Variants in SOX5 observed in about 807,000 individuals in gnomAD.
The protein encoded by SOX5 is transcription factor SOX-5.
In SOX5, 9 loss-of-function variants were observed where a neutral mutation model predicts 92.0. The observed-to-expected ratio is 0.10, with a 90% CI of 0.06 to 0.17. The LOEUF (loss-of-function observed/expected upper bound fraction) is 0.17. SOX5 is among the 10% of genes least tolerant of loss of function. The pLI is 1.00. For missense variants in SOX5, 642 were observed against 944.5 expected (o/e 0.68, Z 4.20); for synonymous variants, 344 against 336.3 (o/e 1.02, Z -0.25).
chr12:23,922,725 A>G (rs1320425572), intron 1 of SOX5, among the ~76,000 whole-genome samples: 1 of 152,128 alleles, frequency 6.6e-6, no homozygotes, highest in Non-Finnish European at 1.5e-5. Flanking sequence ...AAGTTTGAAA[A>G]CTCAATCCAA....
At chr12:23,954,693 A>G (rs77056308), upstream of SOX5, among the ~76,000 whole-genome samples, 5,614 of 152,160 alleles carry the variant, frequency 0.037, 482 homozygotes, top group East Asian at 0.27. Context: ...AGGAACTGGT[A>G]CACAATAGCC....
intron 3 of SOX5, among the ~76,000 whole-genome samples, chr12:24,262,954 G>C (rs944897042): frequency 2.0e-5 from 3 of 152,188 alleles, no homozygotes; most frequent in Non-Finnish European, 2.9e-5. Context: ...GCGCGCAGTG[G>C]CTCATGCCTG....
At chr12:23,683,829 T>A (rs868175881) in intron 6 of SOX5, among the ~76,000 whole-genome samples, 1 of 151,990 alleles carries the variant, frequency 6.6e-6, no homozygotes, top group African/African-American at 2.4e-5. Context: ...CATTGGTTGA[T>A]AAAATCTTTT....
At chr12:24,431,544 CTT>C (rs1238257693) in intron 1 of SOX5, among the ~76,000 whole-genome samples, 1 of 152,076 alleles carries the variant, frequency 6.6e-6, no homozygotes, top group African/African-American at 2.4e-5. Context: ...ATTTTGTGTT[CTT>C]TTGTTTTTTG....
At chr12:23,782,800 T>C (rs1218447608) in intron 3 of SOX5, among the ~76,000 whole-genome samples, 2 of 152,138 alleles carry the variant, frequency 1.3e-5, no homozygotes, top group Admixed American at 6.5e-5. Flanking sequence ...AAAACTATAG[T>C]TTTGGATTCC....
chr12:23,633,243 T>C (rs2078783952), intron 8 of SOX5, among the ~76,000 whole-genome samples: 1 of 151,988 alleles, frequency 6.6e-6, no homozygotes, highest in East Asian at 1.9e-4. Context: ...ACAGAAACAG[T>C]ACATTACAGA....
chr12:23,561,889 C>G lies in SOX5; in HGVS notation c.1488+1369G>C, dbSNP rs111888879. On this transcript the variant is annotated intron_variant, in intron 11 of 14. Coordinates refer to ENST00000451604, the MANE Select transcript of SOX5 (RefSeq NM_006940.6). ...TGTATCCACAGCTGAATTCAATGCG[C>G]TTAACAAATAACGGCAATTTAGCTA... Among the ~76,000 whole-genome samples, 788 of 151,332 alleles carry G rather than the reference C, an allele frequency of 5.2e-3. 13 individuals carry two copies. The highest frequency in any genetic ancestry group is 0.018 in the African/African-American group (739 of 41,246).
At chr12:24,107,772 A>G (rs1946855041) in intron 4 of SOX5, among the ~76,000 whole-genome samples, 1 of 152,222 alleles carries the variant, frequency 6.6e-6, no homozygotes, top group Admixed American at 6.5e-5. Context: ...CCGGGCTTAA[A>G]GAGGGTCACT....
chr12:23,603,445 AAT>A (rs72370535), intron 9 of SOX5, among the ~76,000 whole-genome samples: 52,173 of 124,686 alleles, frequency 0.42, 11,457 homozygotes, highest in African/African-American at 0.57. Context: ...ATATATATAA[AAT>A]ATATATATAT....
chr12:24,193,828 C>G (rs142529490), intron 4 of SOX5, among the ~76,000 whole-genome samples: 1 of 152,148 alleles, frequency 6.6e-6, no homozygotes, highest in Non-Finnish European at 1.5e-5. Flanking sequence ...TTATAATTTT[C>G]TTTTTCAGAG....
In SOX5 at chr12:24,454,868, TAGAC is replaced by T. The variant is rs201248689; in HGVS notation, c.-250-86233_-250-86230del. Among the ~76,000 whole-genome samples, 244 of 152,314 alleles carry T rather than the reference TAGAC, an allele frequency of 1.6e-3. 1 individual carries two copies. Among genetic ancestry groups the T allele is most frequent in the African/African-American group, 4.9e-3 (202 of 41,562 alleles). ...ACTCTATTATCACTTTCTGCAAAAT[TAGAC>T]AGGAAAGAATATTAAGACATCTAAA... On this transcript the variant is annotated intron_variant, in intron 1 of 4. Transcript: ENST00000446891.
intron 1 of SOX5, among the ~76,000 whole-genome samples, chr12:24,486,239 CT>C (rs934015450): frequency 6.6e-6 from 1 of 152,152 alleles, no homozygotes; most frequent in Non-Finnish European, 1.5e-5. Flanking sequence ...ACCTGGCCCC[CT>C]ATGCCTTCAG....
rs959576306 is a variant in SOX5 at position 23,947,344 on chromosome 12, T to C, written c.38+2220A>G. Among the ~76,000 whole-genome samples, 3 of 151,888 alleles carry C rather than the reference T, an allele frequency of 2.0e-5. 1 individual carries two copies. The South Asian group carries it at 6.2e-4, about 31-fold the overall frequency. On this transcript the variant is annotated intron_variant, in intron 1 of 14. Coordinates refer to ENST00000451604, the MANE Select transcript of SOX5 (RefSeq NM_006940.6). Reference sequence around the variant, plus strand: ...TTTATTCAATGAAAGTTGCAAATAGTTGAAAAGGCAAAAAATCTAATTATA... The same window carrying C: ...TTTATTCAATGAAAGTTGCAAATAGCTGAAAAGGCAAAAAATCTAATTATA...
chr12:24,050,330 T>TAG (rs1957446971), intron 4 of SOX5, among the ~76,000 whole-genome samples: 1 of 152,174 alleles, frequency 6.6e-6, no homozygotes, highest in South Asian at 2.1e-4. Context: ...TCCTGTTGAC[T>TAG]AGACATACAT....
chr12:24,048,540 A>T (rs1317964810), intron 4 of SOX5, among the ~76,000 whole-genome samples: 3 of 152,184 alleles, frequency 2.0e-5, no homozygotes, highest in African/African-American at 7.2e-5. Flanking sequence ...TTGTACATAA[A>T]TGTTCATAAC....
At chr12:24,288,853 T>C (rs1454978115) in intron 2 of SOX5, among the ~76,000 whole-genome samples, 1 of 152,104 alleles carries the variant, frequency 6.6e-6, no homozygotes, top group East Asian at 1.9e-4. Flanking sequence ...ACTTGCGAAG[T>C]TTTTCAATAG....
intron 5 of SOX5, among the ~76,000 whole-genome samples, chr12:23,736,472 A>T (rs1164009565): frequency 2.0e-5 from 3 of 149,874 alleles, no homozygotes; most frequent in Non-Finnish European, 4.5e-5. Context: ...AGAAATAATA[A>T]AAAAAAAAAT....
At position 24,467,178 on chromosome 12, in the gene SOX5, T is replaced by C. The variant is rs573712316; in HGVS notation, c.-251+95151A>G. 9.8e-5 allele frequency among the ~76,000 whole-genome samples: 15 copies of C among 152,324 alleles called. No individual in the cohort carries two copies. The South Asian group carries it at 2.5e-3, about 25-fold the overall frequency. ...GAAACTCCAAAAGCAAAAGTATTAA[T>C]ACCATCAGATACTTCCATTCATTTA... is the stretch of plus-strand genomic sequence containing the variant. On this transcript the variant is annotated intron_variant, in intron 1 of 4. Transcript: ENST00000446891.
intron 2 of SOX5, among the ~76,000 whole-genome samples, chr12:24,333,888 T>C (rs1951608799): frequency 6.7e-6 from 1 of 149,684 alleles, no homozygotes. Flanking sequence ...AGAAACATCT[T>C]GAATAAGATT....
Sources: allele counts gnomAD v4.1 joint callset (sites outside exome capture counted in the v4.1 genomes callset), GRCh38; gene constraint gnomAD v4.1.1; transcripts MANE v1.5; gene names NCBI Gene and HGNC (gene_info 2026-07-23, HGNC 2026-07-21).